Variants in FAM107A observed in about 807,000 individuals in gnomAD.
FAM107A encodes actin-associated protein FAM107A.
In FAM107A, 19 loss-of-function variants were observed where a neutral mutation model predicts 13.7. The observed-to-expected ratio is 1.38, with a 90% CI of 0.97 to 2.03. The LOEUF is 2.03. Among genes scored for constraint, FAM107A ranks in the 30% most tolerant of loss-of-function variants. The pLI, the probability that FAM107A is intolerant of heterozygous loss-of-function variation, is 0.00. For synonymous variants in FAM107A, 82 were observed against 74.5 expected, an observed-to-expected ratio of 1.10 and a Z score of -0.52; for missense variants, 203 against 184.4, an observed-to-expected ratio of 1.10 and a Z score of -0.58.
chr3:58,579,113 G>A (rs542210268), upstream of FAM107A, among the ~76,000 whole-genome samples: 69 of 152,252 alleles, frequency 4.5e-4, no homozygotes, highest in Non-Finnish European at 7.9e-4. Context: ...AGGTGAGAGC[G>A]GGTGGTGTTT....
At chr3:58,578,725 G>A (rs143204706), upstream of FAM107A, among the ~76,000 whole-genome samples, 1 of 152,252 alleles carries the variant, frequency 6.6e-6, no homozygotes, top group African/African-American at 2.4e-5. Flanking sequence ...CTATCGTTTA[G>A]TGTCATCCTA....
chr3:58,571,813 T>C (rs1368004764), intron 1 of FAM107A, among the ~76,000 whole-genome samples: 2 of 152,202 alleles, frequency 1.3e-5, no homozygotes, highest in Non-Finnish European at 2.9e-5. Flanking sequence ...TGCCACACTT[T>C]AATAACTACT....
In FAM107A at chr3:58,604,420, G is replaced by T. The variant is rs369215233; in HGVS notation, c.-69-15151C>A. Among the ~76,000 whole-genome samples the T allele has an allele frequency of 2.6e-5, 4 of 152,144 alleles. No homozygotes were observed. Among genetic ancestry groups the T allele is most frequent in the African/African-American group, 9.6e-5 (4 of 41,506 alleles). On this transcript the variant is annotated intron_variant, in intron 1 of 3. Transcript: ENST00000465970. This position sits in a 1 kb window ranked among gnomAD's most constrained non-coding sequence, Gnocchi z 4.1. Reference sequence around the variant, plus strand: ...ACAGACTCAGAATTCTGGAGAGAAAGGGCCCTTTGAGATGATCTGCCTGCA... The same window carrying T: ...ACAGACTCAGAATTCTGGAGAGAAATGGCCCTTTGAGATGATCTGCCTGCA...
chr3:58,609,683 C>T (rs750111827), intron 1 of FAM107A, among the ~76,000 whole-genome samples: 68 of 152,192 alleles, frequency 4.5e-4, no homozygotes, highest in Non-Finnish European at 5.7e-4. Flanking sequence ...GCAATGACTT[C>T]GCTGAGTCCT....
chr3:58,606,625 T>C (rs2065797159), intron 1 of FAM107A, among the ~76,000 whole-genome samples: 2 of 152,260 alleles, frequency 1.3e-5, no homozygotes, highest in Admixed American at 6.5e-5. Flanking sequence ...GAAACCTGTT[T>C]AAGTGAGCTT....
upstream of FAM107A, among the ~76,000 whole-genome samples, chr3:58,579,995 T>G (rs1381698784): frequency 6.6e-6 from 1 of 152,194 alleles, no homozygotes; most frequent in African/African-American, 2.4e-5. Context: ...ACCGAAAACC[T>G]TGACAGCGCT....
chr3:58,602,032 AG>A (rs1022384718), intron 1 of FAM107A, among the ~76,000 whole-genome samples: 1 of 152,060 alleles, frequency 6.6e-6, no homozygotes, highest in African/African-American at 2.4e-5. Context: ...CCTTCCTGGG[AG>A]GCCAATCCTG....
At chr3:58,620,791 C>T (rs1054970220) in intron 1 of FAM107A, among the ~76,000 whole-genome samples, 4 of 152,194 alleles carry the variant, frequency 2.6e-5, no homozygotes, top group Non-Finnish European at 5.9e-5. Flanking sequence ...GGCATTCAAA[C>T]CTTGAACCCA....
intron 1 of FAM107A, among the ~76,000 whole-genome samples, chr3:58,614,106 C>T (rs1169174678): frequency 3.9e-5 from 6 of 152,188 alleles, no homozygotes; most frequent in Admixed American, 2.0e-4. Context: ...AAAGAGAGCC[C>T]GTAGCCATTT....
chr3:58,582,797 A>AGTTT (rs894502452), intron 1 of FAM107A, among the ~76,000 whole-genome samples: 11 of 152,132 alleles, frequency 7.2e-5, no homozygotes, highest in Non-Finnish European at 1.0e-4. Flanking sequence ...AGAGCATTCA[A>AGTTT]GTTTGTTTGT....
intron 1 of FAM107A, among the ~76,000 whole-genome samples, chr3:58,598,753 T>G (rs551810369): frequency 5.3e-5 from 8 of 152,160 alleles, no homozygotes; most frequent in Non-Finnish European, 1.2e-4. Flanking sequence ...ATGTGTGAGT[T>G]TTGTCGTTTT....
chr3:58,599,833 C>G (rs1575451201), intron 1 of FAM107A, among the ~76,000 whole-genome samples: 1 of 148,478 alleles, frequency 6.7e-6, no homozygotes, highest in East Asian at 2.0e-4. Context: ...TTCTCCTGCA[C>G]CCAGCTAATT....
At chr3:58,618,503 AGGCCATCTTGCCCAGGGTCCCTCATTCAG>A (rs2065924215) in intron 1 of FAM107A, among the ~76,000 whole-genome samples, 1 of 152,232 alleles carries the variant, frequency 6.6e-6, no homozygotes, top group African/African-American at 2.4e-5. Flanking sequence ...CCAGAGAGGG[AGGCCATCTTGCCCAGGGTCCCTCATTCAG>A]GGCCTCTGAG....
chr3:58,586,771 G>A, intron 1 of FAM107A: 10 of 1,313,998 alleles, frequency 7.6e-6, no homozygotes, highest in South Asian at 3.3e-5. Flanking sequence ...GGCGCCCAGC[G>A]GCGGACTGGC....
chr3:58,589,433 G>T (rs186714740), upstream of FAM107A, among the ~76,000 whole-genome samples: 12 of 151,134 alleles, frequency 7.9e-5, no homozygotes, highest in East Asian at 2.1e-3. Flanking sequence ...TGGAATGGAT[G>T]TGTGTGTGTG....
chr3:58,603,159 A>G (rs1055608830), intron 1 of FAM107A, among the ~76,000 whole-genome samples: 1 of 152,192 alleles, frequency 6.6e-6, no homozygotes, highest in Non-Finnish European at 1.5e-5. Context: ...ACTCTGCCTC[A>G]ACTGTATTAA....
chr3:58,575,221 A>G (rs2063720944), intron 1 of FAM107A, among the ~76,000 whole-genome samples: 1 of 152,172 alleles, frequency 6.6e-6, no homozygotes. Flanking sequence ...CATGGTGGCA[A>G]TCCTTCCCAG....
chr3:58,601,807 G>C (rs562353793), intron 1 of FAM107A, among the ~76,000 whole-genome samples: 1 of 152,334 alleles, frequency 6.6e-6, no homozygotes, highest in East Asian at 1.9e-4. Context: ...TTCAAGTCAT[G>C]CTAATAATCA....
intron 1 of FAM107A, among the ~76,000 whole-genome samples, chr3:58,607,491 G>A (rs2065805950): frequency 6.6e-6 from 1 of 152,092 alleles, no homozygotes. Flanking sequence ...AGGGTGGGTG[G>A]GAGCTATTTT....
Sources: allele counts gnomAD v4.1 joint callset (sites outside exome capture counted in the v4.1 genomes callset), GRCh38; gene constraint gnomAD v4.1.1; non-coding constraint Gnocchi (gnomAD v3.1); transcripts MANE v1.5; gene names NCBI Gene and HGNC (gene_info 2026-07-23, HGNC 2026-07-21).